AGBL1: variants seen among roughly 807,000 people sequenced by gnomAD.
AGBL1 encodes cytosolic carboxypeptidase 4.
Under a neutral mutation model 118.9 loss-of-function variants are expected in AGBL1, and 130 were observed. The ratio of observed to expected loss-of-function variants is 1.09; its 90% confidence interval spans 0.95 to 1.26. The LOEUF (loss-of-function observed/expected upper bound fraction) is 1.26. Among genes scored for constraint, AGBL1 ranks in the 50% most tolerant of loss-of-function variants. AGBL1 has a pLI of 0.00. For missense variants in AGBL1, 1,584 were observed against 1,298.1 expected, an observed-to-expected ratio of 1.22 and a Z score of -3.38; for synonymous variants, 555 against 478.9, an observed-to-expected ratio of 1.16 and a Z score of -2.08.
At chr15:86,702,855 G>T (rs541642672) in intron 22 of AGBL1, among the ~76,000 whole-genome samples, 1 of 123,608 alleles carries the variant, frequency 8.1e-6, no homozygotes, top group East Asian at 4.4e-4. Flanking sequence ...GGGTAATTAC[G>T]TCAACCTCCA....
intron 22 of AGBL1, among the ~76,000 whole-genome samples, chr15:86,887,530 A>G (rs2079988377): frequency 6.6e-6 from 1 of 152,206 alleles, no homozygotes; most frequent in Admixed American, 6.5e-5. Context: ...TTTAGTTCCT[A>G]GCATGTACAG....
chr15:86,477,669 A>G (rs552921830), intron 18 of AGBL1, among the ~76,000 whole-genome samples: 2 of 152,342 alleles, frequency 1.3e-5, no homozygotes, highest in African/African-American at 4.8e-5. Context: ...AGGAGCTGGT[A>G]ACATTCCTTC....
chr15:86,668,512 A>G (rs550976958), intron 21 of AGBL1, among the ~76,000 whole-genome samples: 1 of 152,294 alleles, frequency 6.6e-6, no homozygotes, highest in Non-Finnish European at 1.5e-5. Flanking sequence ...TATTTCACAA[A>G]AAGACGTTTT....
At chr15:86,091,104 G>A (rs1895992554) in intron 1 of AGBL1, among the ~76,000 whole-genome samples, 1 of 152,112 alleles carries the variant, frequency 6.6e-6, no homozygotes, top group Admixed American at 6.6e-5. Context: ...TGAATCCTAT[G>A]GGTCAGCATC....
At chr15:86,697,481 T>G (rs2086282325) in intron 22 of AGBL1, among the ~76,000 whole-genome samples, 1 of 146,524 alleles carries the variant, frequency 6.8e-6, no homozygotes, top group Non-Finnish European at 1.5e-5. Flanking sequence ...CACTGAAGAT[T>G]TCTTCCCTCA....
chr15:86,232,785 C>A (rs953829417), intron 6 of AGBL1, among the ~76,000 whole-genome samples: 1 of 152,148 alleles, frequency 6.6e-6, no homozygotes, highest in Non-Finnish European at 1.5e-5. Flanking sequence ...CAGGAAAACA[C>A]CATGTAAGGA....
At chr15:87,019,083 T>A (rs1161178083) in intron 24 of AGBL1, among the ~76,000 whole-genome samples, 1 of 152,104 alleles carries the variant, frequency 6.6e-6, no homozygotes, top group East Asian at 1.9e-4. Flanking sequence ...ATCCTAAATA[T>A]ATATGCACTC....
intron 22 of AGBL1, among the ~76,000 whole-genome samples, chr15:86,892,277 T>G (rs2080062650): frequency 6.6e-6 from 1 of 152,180 alleles, no homozygotes; most frequent in South Asian, 2.1e-4. Context: ...TAGGGTACAC[T>G]TGTTCAATAA....
chr15:86,183,326 C>A (rs2077579002), intron 5 of AGBL1, among the ~76,000 whole-genome samples: 1 of 152,096 alleles, frequency 6.6e-6, no homozygotes, highest in African/African-American at 2.4e-5. Flanking sequence ...TCCATAGAAT[C>A]TTTAAATGCC....
At chr15:86,317,429 A>G (rs997304544) in intron 17 of AGBL1, among the ~76,000 whole-genome samples, 4 of 152,254 alleles carry the variant, frequency 2.6e-5, no homozygotes, top group African/African-American at 7.2e-5. Flanking sequence ...AATCCTTTCC[A>G]AACAGCACTG....
rs115347638 is a variant in AGBL1, at chr15:86,403,160, G to C, written c.2555+5614G>C. On this transcript the variant is annotated intron_variant, in intron 18 of 22. Transcript: ENST00000614907. ...AGACATGATGTATAAATGAGCACGG[G>C]GTGAGGGAGAGGATAAGTCAAGCAT... Among the ~76,000 whole-genome samples, 176 of 152,228 alleles carry C rather than the reference G, an allele frequency of 1.2e-3. 1 individual carries two copies. Among genetic ancestry groups the C allele is most frequent in the African/African-American group, 4.0e-3 (165 of 41,522 alleles).
intron 22 of AGBL1, among the ~76,000 whole-genome samples, chr15:86,723,046 A>C (rs2086753689): frequency 6.6e-6 from 1 of 152,220 alleles, no homozygotes; most frequent in Non-Finnish European, 1.5e-5. Flanking sequence ...ACACTTTTAC[A>C]CTGTTGGTGG....
chr15:86,299,885 A>G (rs1169914882), intron 17 of AGBL1: 1 of 152,116 alleles, frequency 6.6e-6, no homozygotes, highest in African/African-American at 2.4e-5. Context: ...AGCAGAACTA[A>G]AAAGCAATCA....
intron 18 of AGBL1, among the ~76,000 whole-genome samples, chr15:86,518,369 T>C (rs1024934098): frequency 6.6e-6 from 1 of 152,174 alleles, no homozygotes; most frequent in African/African-American, 2.4e-5. Context: ...GTGGCATCAT[T>C]GTCCTTTAGA....
chr15:86,709,385 T>C (rs1000349011), intron 22 of AGBL1, among the ~76,000 whole-genome samples: 13 of 152,118 alleles, frequency 8.5e-5, no homozygotes, highest in Non-Finnish European at 1.8e-4. Flanking sequence ...AAAAACTCTT[T>C]GAATGCATGC....
intron 22 of AGBL1, among the ~76,000 whole-genome samples, chr15:86,732,387 CTGTT>C (rs1308216425): frequency 6.6e-6 from 1 of 152,188 alleles, no homozygotes; most frequent in Non-Finnish European, 1.5e-5. Context: ...GATTTTACAA[CTGTT>C]TGTAACTATG....
chr15:86,714,449 C>G lies in AGBL1; in HGVS notation c.3158+40013C>G, dbSNP rs116776901. Among the ~76,000 whole-genome samples the G allele has an allele frequency of 8.4e-3, 1,279 of 152,186 alleles. 21 individuals are homozygous for G. The highest frequency in any genetic ancestry group is 0.028 in the African/African-American group (1,175 of 41,514). Reference sequence around the variant, plus strand: ...GCAAGGAATTGAAGCAGTTTAAACTCTAGGGGATTTGGAGCAATGGCTGTC... The same window carrying G: ...GCAAGGAATTGAAGCAGTTTAAACTGTAGGGGATTTGGAGCAATGGCTGTC... On this transcript the variant is annotated intron_variant, in intron 22 of 22. Transcript: ENST00000614907.
chr15:86,714,133 AGT>A (rs2086602552), intron 22 of AGBL1, among the ~76,000 whole-genome samples: 2 of 152,174 alleles, frequency 1.3e-5, no homozygotes, highest in Non-Finnish European at 2.9e-5. Flanking sequence ...AAGAATATAT[AGT>A]GTTAGGGAAA....
chr15:87,013,574 T>A (rs1322672916), intron 24 of AGBL1, among the ~76,000 whole-genome samples: 2 of 152,068 alleles, frequency 1.3e-5, no homozygotes, highest in Non-Finnish European at 2.9e-5. Flanking sequence ...TTATTTTGGT[T>A]GAATAAATAA....
Sources: gnomAD v4.1 joint callset for allele counts (sites outside exome capture counted in the v4.1 genomes callset) on GRCh38, gnomAD v4.1.1 for gene constraint, MANE v1.5 for transcripts, NCBI Gene and HGNC (gene_info 2026-07-23, HGNC 2026-07-21) for gene names.